The following FRMD3 variants were observed in gnomAD, a reference collection of about 807,000 sequenced individuals.
FRMD3 encodes the protein FERM domain containing 3.
A neutral mutation model predicts 70.2 loss-of-function variants in FRMD3; 33 were observed. The ratio of observed to expected loss-of-function variants is 0.47; its 90% CI spans 0.36 to 0.63. The LOEUF is 0.63. Ranked by LOEUF, FRMD3 falls within the 20% of genes least tolerant of loss-of-function variation. The probability of loss-of-function intolerance (pLI) is 0.00; values close to 1 mark genes in which losing one functional copy is unlikely to be tolerated. For missense variants in FRMD3, 632 were observed against 711.4 expected, an observed-to-expected ratio of 0.89 and a Z score of 1.27; for synonymous variants, 279 against 255.9, an observed-to-expected ratio of 1.09 and a Z score of -0.86.
At chr9:83,382,507 C>T (rs1471091439) in intron 2 of FRMD3, among the ~76,000 whole-genome samples, 2 of 152,176 alleles carry the variant, frequency 1.3e-5, no homozygotes, top group Non-Finnish European at 2.9e-5. Context: ...GTGTAAGGAA[C>T]CTGCTCAAAG....
At chr9:83,261,846 T>A (rs1833010192) in intron 13 of FRMD3, among the ~76,000 whole-genome samples, 1 of 152,184 alleles carries the variant, frequency 6.6e-6, no homozygotes, top group African/African-American at 2.4e-5. Context: ...TTGTACTAAT[T>A]GCCACCGACA....
rs1379417234 is a variant in FRMD3, at chr9:83,423,837, C to T, written c.148-34129G>A. The stretch of plus-strand genomic sequence containing the variant: ...TCTCAAACTCCTGACCTCAGGTGAT[C>T]CACTTGCCGCTGCCTCCCAAAGTGC... On this transcript the variant is annotated intron_variant, in intron 1 of 13. Coordinates refer to ENST00000304195, the MANE Select transcript of FRMD3 (RefSeq NM_174938.6). 5.9e-5 allele frequency among the ~76,000 whole-genome samples: 9 copies of T among 152,070 alleles called. No homozygotes were observed. The South Asian group carries it at 1.9e-3, about 32-fold the overall frequency.
intron 2 of FRMD3, among the ~76,000 whole-genome samples, chr9:83,379,750 C>A (rs1426404359): frequency 2.6e-5 from 4 of 152,148 alleles, no homozygotes; most frequent in African/African-American, 9.7e-5. Context: ...AAACTTCCTA[C>A]CCCACCTCAC....
At chr9:83,285,831 G>A (rs1310477365) in intron 13 of FRMD3, among the ~76,000 whole-genome samples, 3 of 152,080 alleles carry the variant, frequency 2.0e-5, no homozygotes, top group African/African-American at 7.2e-5. Flanking sequence ...TTTTTCTTCT[G>A]CAGAAATTCT....
intron 1 of FRMD3, among the ~76,000 whole-genome samples, chr9:83,508,774 T>A (rs1217023827): frequency 6.6e-6 from 1 of 152,208 alleles, no homozygotes; most frequent in Non-Finnish European, 1.5e-5. Context: ...CACCTATTTC[T>A]GAAAATCAAG....
chr9:83,294,914 C>T (rs751829976), intron 12 of FRMD3, among the ~76,000 whole-genome samples: 51 of 152,204 alleles, frequency 3.4e-4, no homozygotes, highest in Non-Finnish European at 6.3e-4. Context: ...TCAGCTTCCA[C>T]TCTGCCTTTC....
At chr9:83,494,879 G>GTA (rs1219963054) in intron 1 of FRMD3, among the ~76,000 whole-genome samples, 1 of 151,620 alleles carries the variant, frequency 6.6e-6, no homozygotes, top group Admixed American at 6.6e-5. Context: ...ATGTGCGTGT[G>GTA]TATATATATG....
At chr9:83,326,564 A>G (rs1836026349) in intron 6 of FRMD3, among the ~76,000 whole-genome samples, 2 of 152,000 alleles carry the variant, frequency 1.3e-5, no homozygotes. Flanking sequence ...GAGACTCCTG[A>G]GGCCCAGACT....
intron 6 of FRMD3, 36 bp from the exon 7 acceptor site, chr9:83,313,783 T>C (rs768363776): frequency 6.7e-7 from 1 of 1,500,938 alleles, no homozygotes; most frequent in East Asian, 2.3e-5. Flanking sequence ...GCAGTTAAAA[T>C]GGAAAAGAAT....
chr9:83,332,741 G>A (rs550924735), intron 6 of FRMD3, among the ~76,000 whole-genome samples: 2 of 152,200 alleles, frequency 1.3e-5, no homozygotes, highest in South Asian at 4.2e-4. Context: ...TTATTTATTG[G>A]GTCCCTCAAA....
intron 13 of FRMD3, among the ~76,000 whole-genome samples, chr9:83,265,805 AG>A (rs1490612522): frequency 1.3e-5 from 2 of 152,218 alleles, no homozygotes; most frequent in Admixed American, 1.3e-4. Context: ...TTGCTTTTAG[AG>A]GATAATTTGC....
At chr9:83,558,365 T>C in the FRMD3 span, among the ~76,000 whole-genome samples, 1 of 152,196 alleles carries the variant, frequency 6.6e-6, no homozygotes, top group Non-Finnish European at 1.5e-5. Flanking sequence ...ATGCCAAATT[T>C]GGAGAAGTAA....
At chr9:83,370,370 C>T (rs893706711) in intron 3 of FRMD3, among the ~76,000 whole-genome samples, 1 of 152,190 alleles carries the variant, frequency 6.6e-6, no homozygotes, top group African/African-American at 2.4e-5. Context: ...TCATCAACAA[C>T]AACAATCACA....
At chr9:83,538,738 G>T (rs1829958864), upstream of FRMD3, among the ~76,000 whole-genome samples, 1 of 152,198 alleles carries the variant, frequency 6.6e-6, no homozygotes, top group Admixed American at 6.5e-5. The surrounding 1 kb of genome is among the most constrained non-coding windows in gnomAD (Gnocchi z 4.7). Context: ...TCCCGGTTGT[G>T]CTCGTCCCGG....
intron 3 of FRMD3, among the ~76,000 whole-genome samples, chr9:83,370,327 C>T (rs1824929939): frequency 6.6e-6 from 1 of 152,152 alleles, no homozygotes. Flanking sequence ...GGCATATGTA[C>T]AAGAACACAG....
chr9:83,409,190 C>T (rs1011441723), intron 1 of FRMD3, among the ~76,000 whole-genome samples: 2 of 152,056 alleles, frequency 1.3e-5, no homozygotes, highest in Non-Finnish European at 2.9e-5. Context: ...GCAGAAGGCT[C>T]ATGAAGATGT....
intron 1 of FRMD3, among the ~76,000 whole-genome samples, chr9:83,409,905 T>C (rs1016550438): frequency 1.3e-5 from 2 of 152,238 alleles, no homozygotes; most frequent in South Asian, 2.1e-4. Flanking sequence ...CCAACCGGTC[T>C]GTCACAGTTT....
chr9:83,398,000 G>T (rs1825852256), intron 1 of FRMD3, among the ~76,000 whole-genome samples: 1 of 152,164 alleles, frequency 6.6e-6, no homozygotes. Flanking sequence ...ATACAGAATA[G>T]TAATGAGAAA....
intron 1 of FRMD3, among the ~76,000 whole-genome samples, chr9:83,447,030 TTTG>T (rs2131406477): frequency 7.9e-6 from 1 of 126,610 alleles, no homozygotes; most frequent in Non-Finnish European, 1.7e-5. Flanking sequence ...TTTGTTTTGT[TTTG>T]TTTTGTTTGA....
Sources: allele counts gnomAD v4.1 joint callset (sites outside exome capture counted in the v4.1 genomes callset), GRCh38; gene constraint gnomAD v4.1.1; non-coding constraint Gnocchi (gnomAD v3.1); transcripts MANE v1.5; gene names NCBI Gene and HGNC (gene_info 2026-07-23, HGNC 2026-07-21).